DHRSX: variants seen among roughly 807,000 people sequenced by gnomAD.
DHRSX encodes the protein polyprenol dehydrogenase.
In DHRSX, 31 loss-of-function variants were observed where a neutral mutation model predicts 34.0. The ratio of observed to expected loss-of-function variants is 0.91; its 90% confidence interval spans 0.69 to 1.23. The LOEUF (loss-of-function observed/expected upper bound fraction) is 1.23, where lower values mean the gene tolerates loss of function less well. DHRSX is among the 50% of genes most tolerant of loss of function. The probability of loss-of-function intolerance (pLI) is 0.00; values close to 1 mark genes in which losing one functional copy is unlikely to be tolerated. For missense variants in DHRSX, 414 were observed against 428.1 expected (o/e 0.97, Z 0.29); for synonymous variants, 201 against 183.8 (o/e 1.09, Z -0.76).
intron 3 of DHRSX, among the ~76,000 whole-genome samples, chrX:2,392,693 T>C (rs1220855984): frequency 6.9e-6 from 1 of 145,186 alleles, no homozygotes; most frequent in Non-Finnish European, 1.5e-5. Context: ...AAACATCCAA[T>C]AACTATAGTT....
chrX:2,480,013 T>C (rs2124047284), intron 1 of DHRSX, among the ~76,000 whole-genome samples: 1 of 152,230 alleles, frequency 6.6e-6, no homozygotes, highest in South Asian at 2.1e-4. Flanking sequence ...TCCCACCGCT[T>C]GGTGTGTGCC....
At chrX:2,408,494 G>A (rs2043586643) in intron 3 of DHRSX, among the ~76,000 whole-genome samples, 1 of 152,172 alleles carries the variant, frequency 6.6e-6, no homozygotes, top group South Asian at 2.1e-4. Flanking sequence ...GAGTAAGAGT[G>A]CAAGCTACCA....
intron 3 of DHRSX, among the ~76,000 whole-genome samples, chrX:2,316,518 C>T (rs1018396540): frequency 6.6e-5 from 10 of 152,054 alleles, no homozygotes. Flanking sequence ...CACCACTGCA[C>T]TCCAGCCTGG....
At chrX:2,393,727 G>A (rs865856665) in intron 3 of DHRSX, among the ~76,000 whole-genome samples, 367 of 59,916 alleles carry the variant, frequency 6.1e-3, no homozygotes, top group Non-Finnish European at 8.3e-3. Flanking sequence ...GGACCTCCCC[G>A]TCTCCTGCAC....
intron 3 of DHRSX, among the ~76,000 whole-genome samples, chrX:2,294,762 G>C (rs1240607305): frequency 6.6e-6 from 1 of 150,488 alleles, no homozygotes; most frequent in African/African-American, 2.4e-5. Flanking sequence ...GAGAGAGACA[G>C]AGAAAGAGAG....
At chrX:2,315,135 G>A (rs985009344) in intron 3 of DHRSX, among the ~76,000 whole-genome samples, 35 of 151,720 alleles carry the variant, frequency 2.3e-4, no homozygotes, top group Admixed American at 3.3e-4. Flanking sequence ...TCCAGCCTGG[G>A]CAGCAAGAGT....
Position 2,231,836 on chromosome X carries a change from CTT to C in DHRSX, c.805-10609_805-10608del, listed in dbSNP as rs374035433. Among the ~76,000 whole-genome samples, 408 of 147,518 alleles carry C rather than the reference CTT, an allele frequency of 2.8e-3. 6 individuals are homozygous for C. Among genetic ancestry groups the C allele is most frequent in the African/African-American group, 9.4e-3 (375 of 39,836 alleles). ...CCCTTCCTCTTCCTTTCTTTCTCCT[CTT>C]TCTCATTTTCTCCCTCTTCTTCCTC... On this transcript the variant is annotated intron_variant, in intron 6 of 6. Transcript: ENST00000334651.
intron 5 of DHRSX, among the ~76,000 whole-genome samples, chrX:2,247,383 A>C (rs1445120282): frequency 6.6e-6 from 1 of 152,078 alleles, no homozygotes; most frequent in East Asian, 1.9e-4. Flanking sequence ...GGCTGGGTGC[A>C]GTGGCTCACA....
At chrX:2,307,783 T>TAAA (rs1479543515) in intron 3 of DHRSX, among the ~76,000 whole-genome samples, 3 of 102,636 alleles carry the variant, frequency 2.9e-5, no homozygotes, top group African/African-American at 5.8e-5. Flanking sequence ...AAAAAAGTAA[T>TAAA]AAAAATAAAA....
chrX:2,418,907 A>C (rs1191910784), intron 2 of DHRSX, among the ~76,000 whole-genome samples: 1 of 92,050 alleles, frequency 1.1e-5, no homozygotes, highest in Admixed American at 1.2e-4. Context: ...ACAGTCTCCA[A>C]GCTAAATCTC....
chrX:2,379,606 T>TTTG (rs2043181069), intron 3 of DHRSX, among the ~76,000 whole-genome samples: 1 of 148,666 alleles, frequency 6.7e-6, no homozygotes, highest in Non-Finnish European at 1.5e-5. Flanking sequence ...TTTTTTTTTT[T>TTTG]TTTTTTTTTT....
chrX:2,454,237 C>T (rs1232449454), intron 1 of DHRSX, among the ~76,000 whole-genome samples: 1 of 152,018 alleles, frequency 6.6e-6, no homozygotes, highest in African/African-American at 2.4e-5. Flanking sequence ...CAAGGTGTAT[C>T]CACACTGGGC....
intron 1 of DHRSX, among the ~76,000 whole-genome samples, chrX:2,433,516 C>T (rs2043953774): frequency 6.6e-6 from 1 of 152,066 alleles, no homozygotes; most frequent in African/African-American, 2.4e-5. Context: ...TTAAGCCCTG[C>T]ATGCATTAGG....
intron 1 of DHRSX, chrX:2,489,424 G>A (rs1269392491): frequency 6.2e-7 from 1 of 1,613,808 alleles, no homozygotes; most frequent in African/African-American, 1.3e-5. Flanking sequence ...TGTTGAGCGT[G>A]GTGTTCAGGA....
chrX:2,324,769 C>CTTTTTT (rs570670358), intron 3 of DHRSX, among the ~76,000 whole-genome samples: 1 of 131,030 alleles, frequency 7.6e-6, no homozygotes, highest in Non-Finnish European at 1.6e-5. Flanking sequence ...TTTTTCTTTT[C>CTTTTTT]TTTTTTTTTT....
intron 2 of DHRSX, among the ~76,000 whole-genome samples, chrX:2,424,638 T>A (rs1164137014): frequency 6.6e-6 from 1 of 152,192 alleles, no homozygotes; most frequent in Non-Finnish European, 1.5e-5. Context: ...GTTATTTTTT[T>A]CCAGTAAACC....
intron 3 of DHRSX, among the ~76,000 whole-genome samples, chrX:2,322,950 A>C (rs907063643): frequency 5.3e-5 from 8 of 151,726 alleles, no homozygotes; most frequent in African/African-American, 1.9e-4. Context: ...TTGAGATGGA[A>C]TCTTGCTCTG....
At chrX:2,332,125 C>G (rs1424381667) in intron 3 of DHRSX, among the ~76,000 whole-genome samples, 1 of 152,144 alleles carries the variant, frequency 6.6e-6, no homozygotes, top group African/African-American at 2.4e-5. Flanking sequence ...TCAATAACGA[C>G]ATTATTAACT....
chrX:2,303,797 G>GGGTGGA (rs1267748050), intron 3 of DHRSX, among the ~76,000 whole-genome samples: 443 of 26,324 alleles, frequency 0.017, 17 homozygotes, highest in African/African-American at 0.053. Flanking sequence ...GGATGGGTGG[G>GGGTGGA]TGGGTGGGTG....
Sources: gnomAD v4.1 joint callset for allele counts (sites outside exome capture counted in the v4.1 genomes callset) on GRCh38, gnomAD v4.1.1 for gene constraint, MANE v1.5 for transcripts, NCBI Gene and HGNC (gene_info 2026-07-23, HGNC 2026-07-21) for gene names.